AGAP1: variants seen among roughly 807,000 people sequenced by gnomAD.
AGAP1 encodes the protein ArfGAP with GTPase domain, ankyrin repeat and PH domain 1.
A neutral mutation model predicts 105.3 loss-of-function variants in AGAP1; 29 were observed. That is an observed-to-expected ratio of 0.28 (90% CI 0.21 to 0.38). AGAP1 has a LOEUF of 0.38. Among genes scored for constraint, AGAP1 ranks in the 10% least tolerant of loss-of-function variants. The probability of loss-of-function intolerance (pLI) is 1.00; values close to 1 mark genes in which losing one functional copy is unlikely to be tolerated. For missense variants in AGAP1, 998 were observed against 1,165.1 expected, an observed-to-expected ratio of 0.86 and a Z score of 2.09; for synonymous variants, 509 against 485.9, an observed-to-expected ratio of 1.05 and a Z score of -0.63.
Position 236,124,221 on chromosome 2 carries a change from C to T in AGAP1, c.*99C>T. 7.5e-7 allele frequency: 1 copy of T among 1,333,848 alleles called. No individual in the cohort carries two copies. Among genetic ancestry groups the T allele is most frequent in the African/African-American group, 1.5e-5 (1 of 68,894 alleles). The allele number at this position is 1,333,848 out of a possible 1,614,324, so 82.6% of individuals were successfully genotyped here. A position where few individuals can be genotyped will look rare whatever the true frequency, so the allele number is the denominator to read the frequency against. Reference sequence around the variant, plus strand: ...GCACGTGAGTCCCGTCGCATCCCCTCCCTCTTCCTGGTGGCCACCTCCCTC... The same window carrying T: ...GCACGTGAGTCCCGTCGCATCCCCTTCCTCTTCCTGGTGGCCACCTCCCTC... On this transcript the variant is annotated 3_prime_UTR_variant, in exon 18 of 18. Transcript: ENST00000304032. This position sits in a 1 kb window ranked among gnomAD's most constrained non-coding sequence, Gnocchi z 5.1.
chr2:235,681,152 G>A (rs1949047880), intron 1 of AGAP1, among the ~76,000 whole-genome samples: 1 of 152,088 alleles, frequency 6.6e-6, no homozygotes, highest in Admixed American at 6.5e-5. Flanking sequence ...GGGAATACAG[G>A]TGCCCACCAC....
At position 236,036,491 on chromosome 2, in the gene AGAP1, G is replaced by A. The variant is rs1024978015; in HGVS notation, c.1646-70G>A. ...CAGCTGAACCCAGAGGCGCTTCTGTGACAGAGGGCCCGCAGGGGGACTGCT... is the reference window on the plus strand; with the variant it reads ...CAGCTGAACCCAGAGGCGCTTCTGTAACAGAGGGCCCGCAGGGGGACTGCT... On this transcript the variant is annotated intron_variant, in intron 13 of 17. Coordinates refer to ENST00000304032, the MANE Select transcript of AGAP1 (RefSeq NM_001037131.3). The surrounding 1 kb of genome is among the most constrained non-coding windows in gnomAD (Gnocchi z 5.7). The A allele has an allele frequency of 1.3e-6, 2 of 1,573,886 alleles. No individual in the cohort carries two copies. The highest frequency in any genetic ancestry group is 1.4e-5 in the African/African-American group (1 of 73,966).
chr2:235,653,288 A>G (rs1272975813), intron 1 of AGAP1, among the ~76,000 whole-genome samples: 2 of 151,748 alleles, frequency 1.3e-5, no homozygotes, highest in African/African-American at 2.4e-5. Flanking sequence ...TCACGGTGAA[A>G]CACTGTCTCT....
rs560542112 is a variant in AGAP1, at chr2:235,505,597, A to T, written c.163+10748A>T. Among the ~76,000 whole-genome samples, 13 of 152,228 alleles carry T rather than the reference A, an allele frequency of 8.5e-5. No homozygotes were observed. In the South Asian group the frequency reaches 1.3e-3, roughly 15 times the overall value. On this transcript the variant is annotated intron_variant, in intron 1 of 17. Transcript: ENST00000304032. Reference sequence around the variant, plus strand: ...GAACAGGCAGATGTGTGGGACACTCAGGGCCCTTCAGATCTCCCCCAGGAG... The same window carrying T: ...GAACAGGCAGATGTGTGGGACACTCTGGGCCCTTCAGATCTCCCCCAGGAG...
chr2:235,985,984 AG>A (rs1468364065), intron 13 of AGAP1, among the ~76,000 whole-genome samples: 1 of 152,158 alleles, frequency 6.6e-6, no homozygotes, highest in Non-Finnish European at 1.5e-5. Flanking sequence ...AATTTAAAAT[AG>A]TTTTTTCCAA....
At chr2:235,966,390 G>A (rs113934549) in intron 12 of AGAP1, among the ~76,000 whole-genome samples, 134 of 152,124 alleles carry the variant, frequency 8.8e-4, no homozygotes, top group African/African-American at 3.1e-3. Context: ...TAGAGGAGCC[G>A]TGATGGTGGA....
intron 6 of AGAP1, among the ~76,000 whole-genome samples, chr2:235,794,872 C>G (rs1957171498): frequency 6.6e-6 from 1 of 152,136 alleles, no homozygotes. Flanking sequence ...CACCCACACA[C>G]ATTTACATTG....
Position 235,963,360 on chromosome 2 carries a change from A to G in AGAP1, c.1484-5102A>G, listed in dbSNP as rs114262962. Among the ~76,000 whole-genome samples the G allele has an allele frequency of 2.9e-3, 441 of 152,342 alleles. 1 individual carries two copies. The highest frequency in any genetic ancestry group is 4.8e-3 in the Non-Finnish European group (327 of 68,014). On this transcript the variant is annotated intron_variant, in intron 12 of 17. Transcript: ENST00000304032. This position sits in a 1 kb window ranked among gnomAD's most constrained non-coding sequence, Gnocchi z 5.1. ...CTAGATGCCAGTGAGTCAGGTCACA[A>G]CCAGGTGGGATTCTGAATTCAGTTG...
chr2:235,962,051 T>TTG lies in AGAP1; in HGVS notation c.1484-6411_1484-6410insTG, dbSNP rs2054212302. Among the ~76,000 whole-genome samples, 1 of 106,070 alleles carries TTG rather than the reference T, an allele frequency of 9.4e-6. No individual in the cohort carries two copies. Among genetic ancestry groups the TTG allele is most frequent in the Admixed American group, 7.7e-5 (1 of 12,928 alleles). 69.6% of individuals were successfully genotyped at this position (106,070 alleles called of 152,430 possible). A position where few individuals can be genotyped will look rare whatever the true frequency, so the allele number is the denominator to read the frequency against. ...GATGGATGCTTTTGGTTTTTGGTTTTGTTTTGTTTTGTTTTGTTTTGTTTT... is the reference window on the plus strand; with the variant it reads ...GATGGATGCTTTTGGTTTTTGGTTTTTGGTTTTGTTTTGTTTTGTTTTGTTTT... On this transcript the variant is annotated intron_variant, in intron 12 of 17. Transcript: ENST00000304032. This position sits in a 1 kb window ranked among gnomAD's most constrained non-coding sequence, Gnocchi z 5.3.
chr2:236,032,408 C>A (rs1183860364), intron 13 of AGAP1, among the ~76,000 whole-genome samples: 1 of 152,158 alleles, frequency 6.6e-6, no homozygotes, highest in African/African-American at 2.4e-5. Context: ...GATCAAGCAT[C>A]TCAGAAGACT....
At position 235,964,875 on chromosome 2, in the gene AGAP1, G is replaced by A. The variant is rs1327079993; in HGVS notation, c.1484-3587G>A. On this transcript the variant is annotated intron_variant, in intron 12 of 17. Transcript: ENST00000304032. The surrounding 1 kb of genome is among the most constrained non-coding windows in gnomAD (Gnocchi z 4.6). Reference sequence around the variant, plus strand: ...GGGTAAGGTAAGAACTGGACCAGGGGTACGTGGTGCTTAAATGGAGAGCAG... The same window carrying A: ...GGGTAAGGTAAGAACTGGACCAGGGATACGTGGTGCTTAAATGGAGAGCAG... 6.6e-6 allele frequency among the ~76,000 whole-genome samples: 1 copy of A among 152,196 alleles called. No individual in the cohort carries two copies. Among genetic ancestry groups the A allele is most frequent in the Non-Finnish European group, 1.5e-5 (1 of 68,038 alleles).
At chr2:235,562,937 G>A (rs1944211468) in intron 1 of AGAP1, among the ~76,000 whole-genome samples, 1 of 152,106 alleles carries the variant, frequency 6.6e-6, no homozygotes, top group Non-Finnish European at 1.5e-5. Flanking sequence ...GTGTGCGCCT[G>A]TAGTCCCAGC....
chr2:235,593,699 C>G (rs1170151857), intron 1 of AGAP1, among the ~76,000 whole-genome samples: 1 of 152,130 alleles, frequency 6.6e-6, no homozygotes, highest in Non-Finnish European at 1.5e-5. Context: ...CTTAGTGGCT[C>G]CTTTCTGTAA....
At chr2:235,592,805 G>A (rs536484425) in intron 1 of AGAP1, among the ~76,000 whole-genome samples, 5 of 152,266 alleles carry the variant, frequency 3.3e-5, no homozygotes, top group South Asian at 4.1e-4. Flanking sequence ...GTGAGAGTGC[G>A]GGGTGGCTGC....
At chr2:235,812,752 G>C (rs1047902400) in intron 9 of AGAP1, among the ~76,000 whole-genome samples, 1 of 152,232 alleles carries the variant, frequency 6.6e-6, no homozygotes, top group Non-Finnish European at 1.5e-5. Flanking sequence ...GCCTCTCTGC[G>C]TAGGCAGAGG....
intron 1 of AGAP1, among the ~76,000 whole-genome samples, chr2:235,675,207 T>G (rs1575095461): frequency 1.8e-5 from 2 of 113,360 alleles, no homozygotes; most frequent in East Asian, 2.8e-4. Flanking sequence ...TTTTTTTTTT[T>G]GAGACAGAGT....
chr2:235,750,476 G>C lies in AGAP1; in HGVS notation c.661G>C (p.Val221Leu). Residue 221 changes from valine (V) to leucine (L), a missense_variant, in exon 6 of 18, where the codon GTC becomes CTC. By Grantham distance (32) the Val-to-Leu change is conservative. Around this residue, in one of 3 missense-constraint regions of AGAP1, gnomAD observed 735 missense variants for 833.4 expected, o/e 0.88. Coordinates refer to ENST00000304032, the MANE Select transcript of AGAP1 (RefSeq NM_001037131.3). This position sits in a 1 kb window ranked among gnomAD's most constrained non-coding sequence, Gnocchi z 5.3. ...CATYGLNVER[V>L]FQDVAQKIVA... ...TACATACGGGCTGAATGTGGAGAGG[G>C]TCTTCCAGGACGGTAAATGCGCGTG... 6.2e-7 allele frequency: 1 copy of C among 1,614,218 alleles called. No individual in the cohort carries two copies. The highest frequency in any genetic ancestry group is 8.5e-7 in the Non-Finnish European group (1 of 1,180,030).
At chr2:235,506,189 C>T (rs1046316357) in intron 1 of AGAP1, among the ~76,000 whole-genome samples, 6 of 152,176 alleles carry the variant, frequency 3.9e-5, no homozygotes, top group Admixed American at 2.6e-4. Context: ...CCTTGGCCTC[C>T]CAAAGTGCTG....
rs1207784484 is a variant in AGAP1 at position 235,747,275 on chromosome 2, ATGAAGT to A, written c.538+2443_538+2448del. ...CTGCTTAGATTCTCGAGAAACCCTG[ATGAAGT>A]TGAAGTCCTTGAGTAAAAGAAAGTA... is the stretch of plus-strand genomic sequence containing the variant. On this transcript the variant is annotated intron_variant, in intron 5 of 17. Transcript: ENST00000304032. This position sits in a 1 kb window ranked among gnomAD's most constrained non-coding sequence, Gnocchi z 5.0. Among the ~76,000 whole-genome samples, 1 of 152,076 alleles carries A rather than the reference ATGAAGT, an allele frequency of 6.6e-6. No homozygotes were observed. The highest frequency in any genetic ancestry group is 1.5e-5 in the Non-Finnish European group (1 of 68,008).
Sources: allele counts gnomAD v4.1 joint callset (sites outside exome capture counted in the v4.1 genomes callset), GRCh38; gene constraint gnomAD v4.1.1; regional missense constraint gnomAD v4.1.1; non-coding constraint Gnocchi (gnomAD v3.1); transcripts MANE v1.5; gene names NCBI Gene and HGNC (gene_info 2026-07-23, HGNC 2026-07-21).